PHACTR1: variants seen among roughly 807,000 people sequenced by gnomAD.
PHACTR1 encodes the protein phosphatase and actin regulator 1.
Under a neutral mutation model 69.2 loss-of-function variants are expected in PHACTR1, and 16 were observed. That is an observed-to-expected ratio of 0.23 (90% CI 0.16 to 0.35). PHACTR1 has a LOEUF of 0.35. Among genes scored for constraint, PHACTR1 ranks in the 10% least tolerant of loss-of-function variants. PHACTR1 has a pLI of 1.00. For synonymous variants in PHACTR1, 312 were observed against 284.5 expected (o/e 1.10, Z -0.97); for missense variants, 510 against 734.7 (o/e 0.69, Z 3.54).
intron 5 of PHACTR1, among the ~76,000 whole-genome samples, chr6:13,084,497 C>T (rs547689778): frequency 6.6e-6 from 1 of 150,550 alleles, no homozygotes; most frequent in African/African-American, 2.4e-5. Flanking sequence ...ACGTTGTACA[C>T]ATGTACCCTA....
chr6:12,717,430 T>C (rs984011836), intron 1 of PHACTR1, 79 bp from the exon 2 acceptor site: 1 of 152,138 alleles, frequency 6.6e-6, no homozygotes, highest in African/African-American at 2.4e-5. Context: ...GGAATAGCCC[T>C]GCATGATGTA....
intron 10 of PHACTR1, among the ~76,000 whole-genome samples, chr6:13,261,040 G>A (rs1045473738): frequency 7.9e-5 from 12 of 152,114 alleles, no homozygotes; most frequent in African/African-American, 2.9e-4. Context: ...CCTCTCAATC[G>A]CAACAACCAA....
intron 4 of PHACTR1, among the ~76,000 whole-genome samples, chr6:12,879,293 C>A (rs1189226277): frequency 6.6e-6 from 1 of 152,164 alleles, no homozygotes; most frequent in Non-Finnish European, 1.5e-5. Flanking sequence ...GTCTGTCTTG[C>A]CCAGTTGAGT....
intron 4 of PHACTR1, among the ~76,000 whole-genome samples, chr6:13,042,462 T>C (rs1017331097): frequency 3.9e-5 from 6 of 152,014 alleles, no homozygotes; most frequent in African/African-American, 1.4e-4. Context: ...CTCAAAAGAG[T>C]GATTCTCAGA....
chr6:13,263,734 A>G (rs566104552), intron 10 of PHACTR1, among the ~76,000 whole-genome samples: 3 of 152,252 alleles, frequency 2.0e-5, no homozygotes, highest in Non-Finnish European at 4.4e-5. Flanking sequence ...TTAATCAGAT[A>G]CAACTAGTTA....
chr6:12,992,338 G>A (rs1348788988), intron 4 of PHACTR1, among the ~76,000 whole-genome samples: 2 of 152,184 alleles, frequency 1.3e-5, no homozygotes, highest in Non-Finnish European at 2.9e-5. Context: ...TAACCAGGTA[G>A]CCAGAAGCTA....
chr6:12,881,312 G>A (rs1386130879), intron 4 of PHACTR1, among the ~76,000 whole-genome samples: 1 of 152,190 alleles, frequency 6.6e-6, no homozygotes, highest in Non-Finnish European at 1.5e-5. Flanking sequence ...GGAAGAGGTG[G>A]AGAATTTAAG....
intron 4 of PHACTR1, among the ~76,000 whole-genome samples, chr6:13,027,699 A>G (rs1217732516): frequency 1.3e-5 from 2 of 151,502 alleles, no homozygotes; most frequent in African/African-American, 2.4e-5. Context: ...TTTTTGAGAC[A>G]GAGTCTCACT....
At chr6:12,990,215 C>T (rs1263041326) in intron 4 of PHACTR1, among the ~76,000 whole-genome samples, 2 of 152,210 alleles carry the variant, frequency 1.3e-5, no homozygotes, top group Non-Finnish European at 1.5e-5. Context: ...CAGACCTGTG[C>T]CACCCTTACA....
intron 12 of PHACTR1, chr6:13,281,555 T>TA (rs1329932147): frequency 1.0e-5 from 2 of 194,866 alleles, no homozygotes; most frequent in Non-Finnish European, 2.3e-5. Context: ...AGACTCCGTC[T>TA]AAAAAAAGAA....
rs75347887 is a variant in PHACTR1, at chr6:12,886,735, G to C, written c.250+136945G>C. Among the ~76,000 whole-genome samples the C allele has an allele frequency of 8.8e-3, 1,338 of 152,254 alleles. 33 individuals carry two copies. In the South Asian group the frequency reaches 0.11, roughly 12 times the overall value. ...TCATGGAGACACCTGATGCTGAAAG[G>C]AGAGAAGACAGGGGAGAAGTGCTCT... On this transcript the variant is annotated intron_variant, in intron 4 of 14. Coordinates refer to ENST00000332995, the MANE Select transcript of PHACTR1 (RefSeq NM_030948.6).
At chr6:12,890,226 G>A (rs1348768978) in intron 4 of PHACTR1, among the ~76,000 whole-genome samples, 1 of 152,158 alleles carries the variant, frequency 6.6e-6, no homozygotes, top group Non-Finnish European at 1.5e-5. Context: ...AGGTGGAGCA[G>A]TTTCATGCCG....
chr6:13,214,515 A>G (rs1767378515), intron 8 of PHACTR1, among the ~76,000 whole-genome samples: 1 of 152,190 alleles, frequency 6.6e-6, no homozygotes, highest in Non-Finnish European at 1.5e-5. Flanking sequence ...CATCATCCTT[A>G]GCTAAGGTAG....
intron 8 of PHACTR1, among the ~76,000 whole-genome samples, chr6:13,225,644 A>G (rs773945714): frequency 3.3e-5 from 5 of 152,142 alleles, no homozygotes; most frequent in Non-Finnish European, 5.9e-5. Flanking sequence ...ACCTTAAGGA[A>G]CTCATACTCT....
intron 7 of PHACTR1, among the ~76,000 whole-genome samples, chr6:13,186,143 C>G (rs1762801984): frequency 6.6e-6 from 1 of 152,198 alleles, no homozygotes; most frequent in Non-Finnish European, 1.5e-5. Context: ...ACGGAACCAT[C>G]TAACATATCA....
intron 3 of PHACTR1, among the ~76,000 whole-genome samples, chr6:12,728,072 G>A (rs537362457): frequency 8.5e-5 from 13 of 152,246 alleles, no homozygotes; most frequent in Non-Finnish European, 1.8e-4. Flanking sequence ...AGCACTTTGG[G>A]AGGCCGAGGC....
Position 13,283,404 on chromosome 6 carries a change from C to T in PHACTR1, c.1510-18C>T. On this transcript the variant is annotated intron_variant, in intron 12 of 14. Transcript: ENST00000332995. The surrounding 1 kb of genome is among the most constrained non-coding windows in gnomAD (Gnocchi z 4.7). ...AACCCTTCTGGCTGACTGGGTCCAT[C>T]TCTCTCCCTCCCTGCAGCTCAGTCA... The T allele has an allele frequency of 1.2e-6, 2 of 1,612,516 alleles. No individual in the cohort carries two copies. The highest frequency in any genetic ancestry group is 1.7e-6 in the Non-Finnish European group (2 of 1,179,412).
At chr6:13,280,833 G>A in intron 12 of PHACTR1, 1 of 597,296 alleles carries the variant, frequency 1.7e-6, no homozygotes. Flanking sequence ...AGCATTCAAG[G>A]AAGGACTTCA....
At chr6:13,193,754 G>A (rs985214474) in intron 7 of PHACTR1, among the ~76,000 whole-genome samples, 1 of 152,014 alleles carries the variant, frequency 6.6e-6, no homozygotes, top group East Asian at 1.9e-4. Flanking sequence ...TGTTTTGCAT[G>A]TTTTGAGAGC....
Sources: gnomAD v4.1 joint callset for allele counts (sites outside exome capture counted in the v4.1 genomes callset) on GRCh38, gnomAD v4.1.1 for gene constraint, Gnocchi (gnomAD v3.1) non-coding constraint, MANE v1.5 for transcripts, NCBI Gene and HGNC (gene_info 2026-07-23, HGNC 2026-07-21) for gene names.